The following KMT2D variants were observed in gnomAD, a reference collection of about 807,000 sequenced individuals.
KMT2D encodes the protein lysine methyltransferase 2D.
Under a neutral mutation model 512.7 loss-of-function variants are expected in KMT2D, and 55 were observed. The observed-to-expected ratio is 0.11, with a 90% CI of 0.09 to 0.13. The LOEUF (loss-of-function observed/expected upper bound fraction) is 0.13, where lower values mean the gene tolerates loss of function less well. Among genes scored for constraint, KMT2D ranks in the 10% least tolerant of loss-of-function variants. The probability of loss-of-function intolerance (pLI) is 1.00; values close to 1 mark genes in which losing one functional copy is unlikely to be tolerated. For missense variants in KMT2D, 6,061 were observed against 7,127.9 expected (o/e 0.85, Z 5.39); for synonymous variants, 2,995 against 2,904.0 (o/e 1.03, Z -1.01).
Position 49,031,865 on chromosome 12 carries a change from C to T in KMT2D, c.12840G>A (p.Gly4280=), listed in dbSNP as rs771159750. ...GCCGGGGTGGGCCCTGAGGTCGAGG[C>T]CCTGCCCCTAGCTCCTGGAGGGGGC... ...QTGPLQELGA[G]PRPQGPPRLP... is the part of the protein sequence containing the mutation. Residue 4280 remains glycine, a synonymous_variant, in exon 40 of 55, where the codon GGG becomes GGA. Coordinates refer to ENST00000301067, the MANE Select transcript of KMT2D (RefSeq NM_003482.4). 6.5e-7 allele frequency: 1 copy of T among 1,538,098 alleles called. No individual in the cohort carries two copies. The highest frequency in any genetic ancestry group is 8.7e-7 in the Non-Finnish European group (1 of 1,143,958).
At chr12:49,047,406 C>CTTTTTTTTT (rs57252968) in intron 15 of KMT2D, among the ~76,000 whole-genome samples, 23 of 93,896 alleles carry the variant, frequency 2.4e-4, no homozygotes, top group Admixed American at 4.1e-4. Context: ...CCAGTTTTTC[C>CTTTTTTTTT]TTTTTTTTTT....
intron 54 of KMT2D, 48 bp from the exon 55 acceptor site, chr12:49,021,920 G>A (rs376901867): frequency 8.9e-6 from 14 of 1,577,602 alleles, no homozygotes; most frequent in African/African-American, 2.7e-5. Flanking sequence ...CACAGGAAGA[G>A]GGGAGGCCAG....
rs934986406 is a variant in KMT2D at position 49,029,633 on chromosome 12, G to T, written c.14000-157C>A. Among the ~76,000 whole-genome samples the T allele has an allele frequency of 2.0e-5, 3 of 151,612 alleles. No homozygotes were observed. In the South Asian group the frequency reaches 6.2e-4, roughly 32 times the overall value. On this transcript the variant is annotated intron_variant, in intron 43 of 54. Coordinates refer to ENST00000301067, the MANE Select transcript of KMT2D (RefSeq NM_003482.4). ...TTGGGGCAAACAAGGTATATTTATT[G>T]AGTCTGTCCTGCATGCCAGGCACTG...
At position 49,028,163 on chromosome 12, in the gene KMT2D, T is replaced by A. The variant is rs571752129; in HGVS notation, c.14383-22A>T. 2.5e-6 allele frequency: 4 copies of A among 1,613,614 alleles called. No homozygotes were observed. The East Asian group carries it at 8.9e-5, about 36-fold the overall frequency. On this transcript the variant is annotated intron_variant, in intron 46 of 54. Coordinates refer to ENST00000301067, the MANE Select transcript of KMT2D (RefSeq NM_003482.4). ...GGTTCTGCCAGGGCCAGGGAAGGGA[T>A]GGAAGAAACATATCAGCCAAGTGTC...
chr12:49,041,196 C>A lies in KMT2D; in HGVS notation c.6574G>T (p.Ala2192Ser), dbSNP rs753278764. The A allele has an allele frequency of 6.6e-7, 1 of 1,514,560 alleles. No homozygotes were observed. Among genetic ancestry groups the A allele is most frequent in the Non-Finnish European group, 8.8e-7 (1 of 1,133,948 alleles). 93.8% of individuals were successfully genotyped at this position (1,514,560 alleles called of 1,614,324 possible). ...GGATAGGGGGGATAGGTGGGCGGTG[C>A]CGTGGGGAAGCGGGGCTCCAGGGGA... ...AYPLEPRFPT[A>S]PPTYPPYPSP... The change falls in exon 32 of 55, where the codon GCA becomes TCA. Residue 2192 changes from alanine (A) to serine (S), a missense_variant. This residue lies in a region of KMT2D where 710 missense variants were observed against 647.3 expected (regional missense o/e 1.10). Transcript: ENST00000301067. This position sits in a 1 kb window ranked among gnomAD's most constrained non-coding sequence, Gnocchi z 5.4.
chr12:49,040,200 T>C lies in KMT2D; in HGVS notation c.7570A>G (p.Thr2524Ala), dbSNP rs200429932. ...QPPNFVRSPGTGAFVGTPSPM... is the reference protein window; with the variant it reads ...QPPNFVRSPGAGAFVGTPSPM... ...GAGGGGGTGCCCACAAATGCACCCG[T>C]CCCAGGGGACCGGACAAAATTGGGG... The change falls in exon 32 of 55, where the codon ACG (threonine) becomes GCG (alanine). Residue 2524 changes from threonine (T) to alanine (A), a missense_variant. Around this residue, in one of 16 missense-constraint regions of KMT2D, gnomAD observed 710 missense variants for 647.3 expected, o/e 1.10. Transcript: ENST00000301067. 9.3e-6 allele frequency: 15 copies of C among 1,613,284 alleles called. No homozygotes were observed. The highest frequency in any genetic ancestry group is 5.3e-5 in the African/African-American group (4 of 74,868).
intron 6 of KMT2D, 46 bp from the exon 7 acceptor site, chr12:49,053,687 A>C (rs1373067984): frequency 1.3e-6 from 2 of 1,551,992 alleles, no homozygotes; most frequent in African/African-American, 1.4e-5. Context: ...ATTCCTTGTA[A>C]GCCTCAGCAC....
rs966453895 is a variant in KMT2D, at chr12:49,050,931, A to C, written c.2752T>G (p.Ser918Ala). 1.9e-5 allele frequency: 30 copies of C among 1,539,988 alleles called. No individual in the cohort carries two copies. The highest frequency in any genetic ancestry group is 2.6e-5 in the Non-Finnish European group (30 of 1,143,108). Residue 918 changes from serine to alanine, a missense_variant, in exon 11 of 55, where the codon TCC becomes GCC. Ser to Ala is a moderately conservative substitution (Grantham distance 99, BLOSUM62 1). Coordinates refer to ENST00000301067, the MANE Select transcript of KMT2D (RefSeq NM_003482.4). ...LSPLPEELPL[S>A]PSGEPSLSPQ... ...GACAAGGATGGCTCCCCAGATGGGG[A>C]CAACGGCAGCTCCTCGGGCAGAGGG... is the stretch of plus-strand genomic sequence containing the variant.
Position 49,045,658 on chromosome 12 carries a change from A to G in KMT2D, c.4741+262T>C, listed in dbSNP as rs1943750281. Among the ~76,000 whole-genome samples the G allele has an allele frequency of 2.0e-5, 3 of 151,876 alleles. No individual in the cohort carries two copies. The South Asian group carries it at 6.2e-4, about 32-fold the overall frequency. ...GACTCCATCTCAAAAAAAAAAAAAA[A>G]AAAGAGATCTGAAGACGAAATCCTA... On this transcript the variant is annotated intron_variant, in intron 19 of 54. Transcript: ENST00000301067.
At position 49,034,599 on chromosome 12, in the gene KMT2D, C is replaced by T. The variant is rs370434981; in HGVS notation, c.10423G>A (p.Ala3475Thr). 2.5e-5 allele frequency: 41 copies of T among 1,613,660 alleles called. 1 individual carries two copies. The African/African-American group carries it at 4.8e-4, about 19-fold the overall frequency. ...GPSSDLQNHV[A>T]AGSGQERSAG... ...CCACTTACCTGGCCACTCCCAGCTG[C>T]CACATGGTTCTGCAGATCACTGCTA... is the stretch of plus-strand genomic sequence containing the variant. The change falls in exon 37 of 55, where the codon GCA becomes ACA. Residue 3475 changes from alanine (A) to threonine (T), a missense_variant. This residue lies in a region of KMT2D where 533 missense variants were observed against 539.6 expected (regional missense o/e 0.99). Coordinates refer to ENST00000301067, the MANE Select transcript of KMT2D (RefSeq NM_003482.4).
intron 24 of KMT2D, 46 bp downstream of exon 24, chr12:49,043,589 G>A (rs751996826): frequency 2.5e-6 from 4 of 1,610,016 alleles, no homozygotes; most frequent in South Asian, 1.1e-5. Flanking sequence ...TCCTAAGCCA[G>A]AAGAAAGTTG....
rs199831827 is a variant in KMT2D at position 49,037,874 on chromosome 12, A to G, written c.9482T>C (p.Met3161Thr). 2.0e-5 allele frequency: 32 copies of G among 1,598,048 alleles called. No homozygotes were observed. In the Admixed American group the frequency reaches 3.8e-4, roughly 19 times the overall value. The change falls in exon 35 of 55, where the codon ATG becomes ACG. Residue 3161 changes from methionine to threonine, a missense_variant. This residue lies in a region of KMT2D where 533 missense variants were observed against 539.6 expected (regional missense o/e 0.99). Transcript: ENST00000301067. ...GCCCATCCGGGTATCCCGGCTGCCCATCATGCTCTGTCCTGGCTTTAGCCC... is the reference window on the plus strand; with the variant it reads ...GCCCATCCGGGTATCCCGGCTGCCCGTCATGCTCTGTCCTGGCTTTAGCCC... ...GLGLKPGQSM[M>T]GSRDTRMGTG...
chr12:49,042,349 G>C lies in KMT2D; in HGVS notation c.5868-19C>G. 6.6e-7 allele frequency: 1 copy of C among 1,509,770 alleles called. No homozygotes were observed. Among genetic ancestry groups the C allele is most frequent in the Non-Finnish European group, 8.9e-7 (1 of 1,128,574 alleles). The allele number at this position is 1,509,770 out of a possible 1,614,324, so 93.5% of individuals were successfully genotyped here. A position where few individuals can be genotyped will look rare whatever the true frequency, so the allele number is the denominator to read the frequency against. On this transcript the variant is annotated intron_variant, in intron 28 of 54. Coordinates refer to ENST00000301067, the MANE Select transcript of KMT2D (RefSeq NM_003482.4). The surrounding 1 kb of genome is among the most constrained non-coding windows in gnomAD (Gnocchi z 4.4). The stretch of plus-strand genomic sequence containing the variant: ...GCGCTCCCTGGGGCGCAGGGGCAGA[G>C]AGTCACAGGGCGCAGGGATGCCAAG...
Position 49,041,861 on chromosome 12 carries a change from A to G in KMT2D, c.6183+56T>C. ...GGAAAGAACTGAGGTAAATTACCCA[A>G]AGATCCCTCCCTCCCTCTCAGTTCC... is the stretch of plus-strand genomic sequence containing the variant. On this transcript the variant is annotated intron_variant, in intron 30 of 54. Coordinates refer to ENST00000301067, the MANE Select transcript of KMT2D (RefSeq NM_003482.4). This position sits in a 1 kb window ranked among gnomAD's most constrained non-coding sequence, Gnocchi z 5.4. 1 of 1,548,610 alleles carries G rather than the reference A, an allele frequency of 6.5e-7. No individual in the cohort carries two copies. Among genetic ancestry groups the G allele is most frequent in the East Asian group, 2.4e-5 (1 of 42,176 alleles).
At position 49,030,382 on chromosome 12, in the gene KMT2D, A is replaced by G. The variant is rs2120403297; in HGVS notation, c.13897T>C (p.Ser4633Pro). ...CCATTCACCATCTTCTGCTGCACCG[A>G]TGGGGGTGGGGTGGGGGGCAGCGAC... is the stretch of plus-strand genomic sequence containing the variant. The part of the protein sequence containing the change: ...PSSLPPTPPP[S>P]VQQKMVNGVT... The change falls in exon 43 of 55, where the codon TCG becomes CCG. Residue 4633 changes from serine to proline, a missense_variant. By Grantham distance (74) the Ser-to-Pro change is moderately conservative. Around this residue, in one of 16 missense-constraint regions of KMT2D, gnomAD observed 1,600 missense variants for 1,754.9 expected, o/e 0.91. Coordinates refer to ENST00000301067, the MANE Select transcript of KMT2D (RefSeq NM_003482.4). 1.4e-6 allele frequency: 1 copy of G among 719,864 alleles called. No homozygotes were observed. The highest frequency in any genetic ancestry group is 2.3e-6 in the Non-Finnish European group (1 of 435,574). The allele number at this position is 719,864 out of a possible 1,614,324, so 44.6% of individuals were successfully genotyped here.
Position 49,048,725 on chromosome 12 carries a change from T to A in KMT2D, c.4065A>T (p.Glu1355Asp), listed in dbSNP as rs1459843146. ...CGGTATTCTGCATGGTGTCATCATC[T>A]TCTTCCTCCTCCTCCTTACTGGGAG... Reference protein sequence around the residue: ...DSSPSKEEEEEDDDTMQNTVV... With the variant: ...DSSPSKEEEEDDDDTMQNTVV... Residue 1355 changes from glutamate (E) to aspartate (D), a missense_variant, in exon 14 of 55, where the codon GAA (glutamate) becomes GAT (aspartate). Glu to Asp is a conservative substitution (Grantham distance 45). This residue lies in a region of KMT2D where 447 missense variants were observed against 500.1 expected (regional missense o/e 0.89). Transcript: ENST00000301067. The A allele has an allele frequency of 1.9e-6, 3 of 1,613,150 alleles. No homozygotes were observed. The highest frequency in any genetic ancestry group is 4.5e-5 in the East Asian group (2 of 44,864).
chr12:49,029,624 A>G, intron 43 of KMT2D, 148 bp from the exon 44 acceptor site: 1 of 608,056 alleles, frequency 1.6e-6, no homozygotes, highest in South Asian at 2.2e-5. Context: ...CAAACAAGGT[A>G]TATTTATTGA....
In KMT2D at chr12:49,051,342, C is replaced by T. The variant is rs565042425; in HGVS notation, c.2341G>A (p.Ala781Thr). 4.5e-6 allele frequency: 7 copies of T among 1,562,364 alleles called. No individual in the cohort carries two copies. Among genetic ancestry groups the T allele is most frequent in the African/African-American group, 3.2e-5 (2 of 62,932 alleles). ...SPQPEEPCLC[A>T]VPEEPHLSPQ... Reference sequence around the variant, plus strand: ...GACAAGTGTGGCTCCTCAGGCACAGCGCATAGGCATGGCTCCTCAGGCTGG... The same window carrying T: ...GACAAGTGTGGCTCCTCAGGCACAGTGCATAGGCATGGCTCCTCAGGCTGG... The change falls in exon 11 of 55, where the codon GCT (alanine) becomes ACT (threonine). Residue 781 changes from alanine to threonine, a missense_variant. This residue lies in a region of KMT2D where 848 missense variants were observed against 838.5 expected (regional missense o/e 1.01). Transcript: ENST00000301067.
chr12:49,032,309 G>C lies in KMT2D; in HGVS notation c.12396C>G (p.His4132Gln), dbSNP rs2120430194. The C allele has an allele frequency of 6.2e-7, 1 of 1,613,902 alleles. No individual in the cohort carries two copies. Among genetic ancestry groups the C allele is most frequent in the South Asian group, 1.1e-5 (1 of 91,078 alleles). The change falls in exon 40 of 55, where the codon CAC becomes CAG. Residue 4132 changes from histidine to glutamine, a missense_variant. Physicochemically the swap from His to Gln is conservative, Grantham distance 24. This residue lies in a region of KMT2D where 1,600 missense variants were observed against 1,754.9 expected (regional missense o/e 0.91). Transcript: ENST00000301067. ...GSSSEASSVP[H>Q]LLAQPSVSLG... ...AGGAAACAGAGGGCTGAGCCAGCAG[G>C]TGGGGCACAGATGAGGCCTCAGAAG...
Sources: gnomAD v4.1 joint callset for allele counts (sites outside exome capture counted in the v4.1 genomes callset) on GRCh38, gnomAD v4.1.1 for gene constraint, gnomAD v4.1.1 regional missense constraint, Gnocchi (gnomAD v3.1) non-coding constraint, MANE v1.5 for transcripts, NCBI Gene and HGNC (gene_info 2026-07-23, HGNC 2026-07-21) for gene names.